FHL5: variants seen among roughly 807,000 people sequenced by gnomAD.
FHL5 encodes the protein four and a half LIM domains 5.
A neutral mutation model predicts 32.0 loss-of-function variants in FHL5; 33 were observed. That is an observed-to-expected ratio of 1.03 (90% CI 0.78 to 1.38). FHL5 has a LOEUF of 1.38. Ranked by LOEUF, FHL5 falls within the 40% of genes most tolerant of loss-of-function variation. FHL5 has a pLI of 0.00. For missense variants in FHL5, 336 were observed against 343.9 expected, an observed-to-expected ratio of 0.98 and a Z score of 0.18; for synonymous variants, 114 against 113.6, an observed-to-expected ratio of 1.00 and a Z score of -0.02.
chr6:96,578,081 G>T (rs1267156638), intron 1 of FHL5, among the ~76,000 whole-genome samples: 1 of 152,126 alleles, frequency 6.6e-6, no homozygotes, highest in Non-Finnish European at 1.5e-5. Context: ...AATGGACTTG[G>T]ATCAGAAGTG....
chr6:96,590,454 A>T (rs985601829), intron 1 of FHL5, among the ~76,000 whole-genome samples: 1 of 151,984 alleles, frequency 6.6e-6, no homozygotes, highest in Non-Finnish European at 1.5e-5. Flanking sequence ...ATTGATTTTT[A>T]TATATAGACA....
At chr6:96,575,531 A>G (rs973197155) in intron 1 of FHL5, among the ~76,000 whole-genome samples, 2 of 152,198 alleles carry the variant, frequency 1.3e-5, no homozygotes, top group African/African-American at 4.8e-5. Context: ...AACTCACTGC[A>G]GAGAGGGAAC....
intron 1 of FHL5, among the ~76,000 whole-genome samples, chr6:96,591,788 C>T (rs146485925): frequency 0.012 from 1,776 of 152,066 alleles, 33 homozygotes; most frequent in African/African-American, 0.034. Flanking sequence ...AAGTGTCAGC[C>T]AGTTTGAGAA....
chr6:96,596,214 A>G (rs1771030486), intron 1 of FHL5, among the ~76,000 whole-genome samples: 1 of 152,064 alleles, frequency 6.6e-6, no homozygotes, highest in South Asian at 2.1e-4. Flanking sequence ...TCCTTTAGAG[A>G]GTGTTAACCT....
At chr6:96,610,085 C>A (rs1165250477) in intron 4 of FHL5, among the ~76,000 whole-genome samples, 2 of 152,138 alleles carry the variant, frequency 1.3e-5, no homozygotes, top group African/African-American at 4.8e-5. Flanking sequence ...AAGAAGAATT[C>A]TTTTAAGCAT....
chr6:96,587,661 G>A (rs759033177), intron 1 of FHL5, among the ~76,000 whole-genome samples: 1 of 151,998 alleles, frequency 6.6e-6, no homozygotes, highest in Non-Finnish European at 1.5e-5. Flanking sequence ...TTTGAAACCC[G>A]TTGTGCAACA....
Position 96,617,114 on chromosome 6 carries a change from T to C in FHL5, c.*1342T>C, listed in dbSNP as rs1218220297. Among the ~76,000 whole-genome samples the C allele has an allele frequency of 6.6e-6, 1 of 152,220 alleles. No homozygotes were observed. Among genetic ancestry groups the C allele is most frequent in the Non-Finnish European group, 1.5e-5 (1 of 68,046 alleles). ...TATCTTTATACCAGACTTTAACTGA[T>C]CATGACCCTATCTTGCTACCCCTGG... On this transcript the variant is annotated 3_prime_UTR_variant, in exon 6 of 6. Transcript: ENST00000450218.
chr6:96,565,187 A>G (rs1770330117), intron 1 of FHL5, among the ~76,000 whole-genome samples: 1 of 152,198 alleles, frequency 6.6e-6, no homozygotes, highest in Non-Finnish European at 1.5e-5. Flanking sequence ...TATCCTCACC[A>G]TATGTCTAAA....
intron 1 of FHL5, among the ~76,000 whole-genome samples, chr6:96,576,889 T>C (rs966762566): frequency 1.6e-4 from 24 of 152,344 alleles, no homozygotes; most frequent in African/African-American, 5.8e-4. Flanking sequence ...TAGCTACTAA[T>C]ACTGTGAACA....
intron 3 of FHL5, 49 bp downstream of exon 3, chr6:96,604,973 T>G (rs1157491673): frequency 6.9e-7 from 1 of 1,447,390 alleles, no homozygotes; most frequent in Non-Finnish European, 9.3e-7. Flanking sequence ...GTGATGCTTT[T>G]CATTAAGTCC....
At position 96,594,062 on chromosome 6, in the gene FHL5, T is replaced by C. The variant is rs1344798786; in HGVS notation, c.-12-9540T>C. On this transcript the variant is annotated intron_variant, in intron 1 of 5. Coordinates refer to ENST00000450218, the MANE Select transcript of FHL5 (RefSeq NM_001322466.2). The stretch of plus-strand genomic sequence containing the variant: ...TTTTTTCAGTCTGCTGATAATCTTA[T>C]CCATTGAATTCTCTATTACAAATAT... 2.0e-5 allele frequency among the ~76,000 whole-genome samples: 3 copies of C among 151,662 alleles called. No homozygotes were observed. In the East Asian group the frequency reaches 5.8e-4, roughly 29 times the overall value.
chr6:96,575,461 G>C, intron 1 of FHL5, among the ~76,000 whole-genome samples: 1 of 152,192 alleles, frequency 6.6e-6, no homozygotes, highest in African/African-American at 2.4e-5. Flanking sequence ...TTCCCAGAAG[G>C]AGTAGAGAGC....
intron 1 of FHL5, among the ~76,000 whole-genome samples, chr6:96,590,191 C>A (rs1451513299): frequency 6.6e-6 from 1 of 151,954 alleles, no homozygotes; most frequent in East Asian, 1.9e-4. Context: ...AAAAAAATAA[C>A]CTGATGGAAT....
At chr6:96,581,614 T>G (rs538856825) in intron 1 of FHL5, among the ~76,000 whole-genome samples, 2 of 152,238 alleles carry the variant, frequency 1.3e-5, no homozygotes, top group South Asian at 4.2e-4. Context: ...TGCCATTTCA[T>G]GCAACAGGAA....
chr6:96,617,857 T>G lies in FHL5; in HGVS notation c.*2085T>G, dbSNP rs1409449144. On this transcript the variant is annotated 3_prime_UTR_variant, in exon 6 of 6. Transcript: ENST00000450218. Reference sequence around the variant, plus strand: ...ATTCACAGAATCATTTCCTAAAGATTTTATTATCCTTTCATAAGTATAAAT... The same window carrying G: ...ATTCACAGAATCATTTCCTAAAGATGTTATTATCCTTTCATAAGTATAAAT... Among the ~76,000 whole-genome samples, 1 of 152,202 alleles carries G rather than the reference T, an allele frequency of 6.6e-6. No individual in the cohort carries two copies. Among genetic ancestry groups the G allele is most frequent in the Non-Finnish European group, 1.5e-5 (1 of 68,032 alleles).
At chr6:96,576,744 C>T (rs1770591955) in intron 1 of FHL5, among the ~76,000 whole-genome samples, 1 of 152,222 alleles carries the variant, frequency 6.6e-6, no homozygotes, top group Non-Finnish European at 1.5e-5. Context: ...GCCAGGCTGT[C>T]TTGTAGGTGC....
chr6:96,600,848 T>C (rs940110035), intron 1 of FHL5, among the ~76,000 whole-genome samples: 1 of 152,186 alleles, frequency 6.6e-6, no homozygotes, highest in African/African-American at 2.4e-5. Context: ...TCCAGACTCC[T>C]TGAGTGGGCA....
At chr6:96,589,419 C>A (rs1482163566) in intron 1 of FHL5, among the ~76,000 whole-genome samples, 1 of 151,996 alleles carries the variant, frequency 6.6e-6, no homozygotes, top group African/African-American at 2.4e-5. Flanking sequence ...AAGGAACTTG[C>A]TAAATTATCT....
chr6:96,567,825 C>CTTTT (rs757441385), intron 1 of FHL5, among the ~76,000 whole-genome samples: 18,439 of 110,214 alleles, frequency 0.17, 1,778 homozygotes, highest in Middle Eastern at 0.22. Context: ...TTTTTGTATT[C>CTTTT]TTTTTTTTTT....
Sources: allele counts gnomAD v4.1 joint callset (sites outside exome capture counted in the v4.1 genomes callset), GRCh38; gene constraint gnomAD v4.1.1; transcripts MANE v1.5; gene names NCBI Gene and HGNC (gene_info 2026-07-23, HGNC 2026-07-21).